The following NAALADL2 variants were observed in gnomAD, a reference collection of about 807,000 sequenced individuals.
NAALADL2 encodes inactive N-acetylated-alpha-linked acidic dipeptidase-like protein 2.
NAALADL2 carries 76 observed loss-of-function variants against 87.2 expected under a neutral mutation model. That is an observed-to-expected ratio of 0.87 (90% confidence interval 0.72 to 1.05). NAALADL2 has a LOEUF of 1.05. Ranked by LOEUF, NAALADL2 falls within the 50% of genes least tolerant of loss-of-function variation. The probability of loss-of-function intolerance (pLI) is 0.00; values close to 1 mark genes in which losing one functional copy is unlikely to be tolerated. For synonymous variants in NAALADL2, 354 were observed against 331.0 expected, an observed-to-expected ratio of 1.07 and a Z score of -0.75; for missense variants, 1,089 against 945.8, an observed-to-expected ratio of 1.15 and a Z score of -1.99.
At position 174,593,620 on chromosome 3, in the gene NAALADL2, T is replaced by G. The variant is rs148017690; in HGVS notation, c.-115+42983T>G. Among the ~76,000 whole-genome samples, 467 of 152,308 alleles carry G rather than the reference T, an allele frequency of 3.1e-3. 1 individual carries two copies. The highest frequency in any genetic ancestry group is 8.6e-3 in the African/African-American group (358 of 41,568). On this transcript the variant is annotated intron_variant, in intron 2 of 3. Transcript: ENST00000434257. ...ATGCTTCTTATTTAGAGATGTAAGT[T>G]AAAATGACCACATACTTTACTCTCA...
In NAALADL2 at chr3:175,785,347, T is replaced by C. The variant is rs1323959220; in HGVS notation, c.2190-17658T>C. Among the ~76,000 whole-genome samples, 655 of 146,626 alleles carry C rather than the reference T, an allele frequency of 4.5e-3. 4 individuals carry two copies. Among genetic ancestry groups the C allele is most frequent in the African/African-American group, 0.017 (637 of 37,718 alleles). On this transcript the variant is annotated intron_variant, in intron 13 of 13. Transcript: ENST00000454872. Reference sequence around the variant, plus strand: ...TTAATGTGTGGGAGTCTAAGTCTCTTTGTAGGTCACTCAGGACTTGCTTTA... The same window carrying C: ...TTAATGTGTGGGAGTCTAAGTCTCTCTGTAGGTCACTCAGGACTTGCTTTA...
intron 1 of NAALADL2, among the ~76,000 whole-genome samples, chr3:174,994,952 T>G (rs1040329322): frequency 6.6e-6 from 1 of 152,176 alleles, no homozygotes; most frequent in Non-Finnish European, 1.5e-5. Context: ...AAGTTGTTTT[T>G]GTAGTAATGG....
At position 175,371,755 on chromosome 3, in the gene NAALADL2, C is replaced by T. The variant is rs185028785; in HGVS notation, c.1090+47430C>T. Among the ~76,000 whole-genome samples, 458 of 151,182 alleles carry T rather than the reference C, an allele frequency of 3.0e-3. 3 individuals carry two copies. Among genetic ancestry groups the T allele is most frequent in the African/African-American group, 0.01 (426 of 41,210 alleles). ...AGGAGAATCACTTGAACCCAGGAGG[C>T]GGAGGTTGCAGTAAGCCAAGATCAT... On this transcript the variant is annotated intron_variant, in intron 5 of 13. Coordinates refer to ENST00000454872, the MANE Select transcript of NAALADL2 (RefSeq NM_207015.3).
intron 11 of NAALADL2, among the ~76,000 whole-genome samples, chr3:175,631,297 C>A (rs1404605207): frequency 6.6e-6 from 1 of 151,642 alleles, no homozygotes; most frequent in East Asian, 1.9e-4. Flanking sequence ...AATTTTGTTA[C>A]ATGAACAGAT....
intron 3 of NAALADL2, among the ~76,000 whole-genome samples, chr3:174,770,923 A>T (rs1916235): frequency 0.53 from 79,985 of 151,816 alleles, 21,455 homozygotes; most frequent in Middle Eastern, 0.64. Context: ...TTGTTAACTC[A>T]TAGTTTTACT....
chr3:174,874,706 A>G (rs1332917913), intron 1 of NAALADL2, among the ~76,000 whole-genome samples: 1 of 152,128 alleles, frequency 6.6e-6, no homozygotes. Context: ...TTTTTTTGCT[A>G]CTTAAATATT....
chr3:175,597,313 T>C (rs1722374872), intron 10 of NAALADL2, among the ~76,000 whole-genome samples: 1 of 151,988 alleles, frequency 6.6e-6, no homozygotes, highest in Non-Finnish European at 1.5e-5. Context: ...TTTGTTGCTA[T>C]ATCTGTGAAG....
At chr3:174,495,131 G>A (rs1258098145) in intron 1 of NAALADL2, among the ~76,000 whole-genome samples, 1 of 151,992 alleles carries the variant, frequency 6.6e-6, no homozygotes, top group Non-Finnish European at 1.5e-5. Context: ...GCAACACTGA[G>A]AGAAAGTCTC....
chr3:175,577,224 A>C (rs1175631702), intron 10 of NAALADL2, among the ~76,000 whole-genome samples: 1 of 152,192 alleles, frequency 6.6e-6, no homozygotes. Flanking sequence ...GATTTTACAA[A>C]TGAAGTACTT....
At chr3:174,934,651 AAACAAAAC>A (rs1737409257) in intron 1 of NAALADL2, among the ~76,000 whole-genome samples, 1 of 152,078 alleles carries the variant, frequency 6.6e-6, no homozygotes, top group Non-Finnish European at 1.5e-5. Context: ...GTCTCTATAA[AAACAAAAC>A]AACAAAACAT....
At chr3:175,227,745 A>G (rs1215533719) in intron 2 of NAALADL2, among the ~76,000 whole-genome samples, 1 of 152,096 alleles carries the variant, frequency 6.6e-6, no homozygotes, top group South Asian at 2.1e-4. Flanking sequence ...GAACCCTTTG[A>G]CTAAACCATT....
intron 11 of NAALADL2, among the ~76,000 whole-genome samples, chr3:175,667,181 GAGAA>G (rs201860926): frequency 0.16 from 14,933 of 94,922 alleles, 1,248 homozygotes; most frequent in Non-Finnish European, 0.19. Context: ...AAGAAAGAAA[GAGAA>G]AGAAAGAAAG....
At chr3:174,917,283 G>A (rs1734543231) in intron 1 of NAALADL2, among the ~76,000 whole-genome samples, 1 of 152,056 alleles carries the variant, frequency 6.6e-6, no homozygotes, top group South Asian at 2.1e-4. Flanking sequence ...TCAAGAACCT[G>A]TTGATGAAAC....
intron 9 of NAALADL2, among the ~76,000 whole-genome samples, chr3:175,498,062 A>T (rs1049150260): frequency 1.3e-5 from 2 of 152,142 alleles, no homozygotes; most frequent in Non-Finnish European, 2.9e-5. Flanking sequence ...TGAAGAATGT[A>T]TCAGAGTCCC....
intron 2 of NAALADL2, among the ~76,000 whole-genome samples, chr3:174,681,073 G>A (rs1473779826): frequency 6.6e-6 from 1 of 152,126 alleles, no homozygotes; most frequent in East Asian, 1.9e-4. Context: ...TGGGAACCCA[G>A]TAGTGCCCTG....
At chr3:174,952,662 T>C (rs1740551090) in intron 1 of NAALADL2, among the ~76,000 whole-genome samples, 2 of 152,128 alleles carry the variant, frequency 1.3e-5, no homozygotes, top group Admixed American at 1.3e-4. Context: ...AGGAGGTTGC[T>C]GACGTGGTTG....
At chr3:174,778,746 G>A (rs1048221975) in intron 3 of NAALADL2, among the ~76,000 whole-genome samples, 1 of 152,050 alleles carries the variant, frequency 6.6e-6, no homozygotes, top group African/African-American at 2.4e-5. Flanking sequence ...TTCTGTTCCT[G>A]TGTTAGTTTG....
chr3:175,791,656 G>A (rs1214124238), intron 13 of NAALADL2, among the ~76,000 whole-genome samples: 1 of 152,062 alleles, frequency 6.6e-6, no homozygotes, highest in Non-Finnish European at 1.5e-5. Context: ...TCTATAATGG[G>A]ATCTTGGAAA....
chr3:175,625,493 GT>G (rs1029190747), intron 10 of NAALADL2, among the ~76,000 whole-genome samples: 11 of 152,134 alleles, frequency 7.2e-5, no homozygotes, highest in African/African-American at 2.4e-4. Flanking sequence ...TAAGCAAGGA[GT>G]TTTTGATGAT....
Sources: allele counts gnomAD v4.1 joint callset (sites outside exome capture counted in the v4.1 genomes callset), GRCh38; gene constraint gnomAD v4.1.1; transcripts MANE v1.5; gene names NCBI Gene and HGNC (gene_info 2026-07-23, HGNC 2026-07-21).